Variants in OPCML observed in about 807,000 individuals in gnomAD.
The protein encoded by OPCML is opioid binding protein/cell adhesion molecule like.
In OPCML, 13 loss-of-function variants were observed where a neutral mutation model predicts 37.8. The observed-to-expected ratio is 0.34, with a 90% CI of 0.22 to 0.55. The LOEUF (loss-of-function observed/expected upper bound fraction) is 0.55, where lower values mean the gene tolerates loss of function less well. Among genes scored for constraint, OPCML ranks in the 20% least tolerant of loss-of-function variants. The pLI is 0.91. For missense variants in OPCML, 341 were observed against 435.6 expected, an observed-to-expected ratio of 0.78 and a Z score of 1.93; for synonymous variants, 176 against 168.8, an observed-to-expected ratio of 1.04 and a Z score of -0.33.
chr11:132,903,852 C>T (rs1344259351), intron 2 of OPCML, among the ~76,000 whole-genome samples: 2 of 152,120 alleles, frequency 1.3e-5, no homozygotes, highest in African/African-American at 2.4e-5. Flanking sequence ...TGAGTGTTTG[C>T]ATGTGCACGT....
At chr11:132,758,255 T>C (rs1946131179) in intron 2 of OPCML, among the ~76,000 whole-genome samples, 1 of 152,236 alleles carries the variant, frequency 6.6e-6, no homozygotes, top group Non-Finnish European at 1.5e-5. Flanking sequence ...CCAACTTTGT[T>C]CTTTTTGCTT....
At chr11:133,517,546 G>A (rs1329818917) in intron 1 of OPCML, among the ~76,000 whole-genome samples, 1 of 152,238 alleles carries the variant, frequency 6.6e-6, no homozygotes, top group East Asian at 1.9e-4. Flanking sequence ...TACCGCTAGG[G>A]CGGTGGGGGT....
chr11:132,997,237 A>G (rs550368403), intron 1 of OPCML, among the ~76,000 whole-genome samples: 3 of 152,290 alleles, frequency 2.0e-5, no homozygotes, highest in East Asian at 3.9e-4. Flanking sequence ...TCTTGCTCCC[A>G]AGGCTCTGGA....
intron 2 of OPCML, among the ~76,000 whole-genome samples, chr11:132,751,011 G>A (rs1461538955): frequency 1.3e-5 from 2 of 152,116 alleles, no homozygotes; most frequent in African/African-American, 2.4e-5. Context: ...GTTGTTCGGA[G>A]GATAGAAGAT....
At chr11:132,800,454 G>A (rs1331271470) in intron 2 of OPCML, among the ~76,000 whole-genome samples, 5 of 152,124 alleles carry the variant, frequency 3.3e-5, no homozygotes, top group African/African-American at 7.2e-5. Context: ...CTTGTTGAAT[G>A]GAGGTGGTGA....
intron 1 of OPCML, among the ~76,000 whole-genome samples, chr11:133,152,012 T>A (rs1949994242): frequency 6.6e-6 from 1 of 152,220 alleles, no homozygotes; most frequent in African/African-American, 2.4e-5. Context: ...TCTTTTTTGT[T>A]CACAGTTGTT....
chr11:132,971,034 C>G (rs1328731313), intron 1 of OPCML, among the ~76,000 whole-genome samples: 1 of 152,154 alleles, frequency 6.6e-6, no homozygotes, highest in Non-Finnish European at 1.5e-5. Context: ...CTCTCTCAAT[C>G]CCTTATAGCA....
At chr11:133,363,194 C>T (rs1015878252) in intron 1 of OPCML, among the ~76,000 whole-genome samples, 2 of 152,158 alleles carry the variant, frequency 1.3e-5, no homozygotes, top group African/African-American at 4.8e-5. Context: ...TACTGGAAAC[C>T]CCATCATGTC....
intron 1 of OPCML, among the ~76,000 whole-genome samples, chr11:133,312,418 T>G (rs896330264): frequency 1.3e-5 from 2 of 152,222 alleles, no homozygotes; most frequent in Non-Finnish European, 2.9e-5. Context: ...CCAGCCTGTG[T>G]GTACTCAGCA....
intron 1 of OPCML, among the ~76,000 whole-genome samples, chr11:133,524,307 G>A (rs938952343): frequency 6.6e-6 from 1 of 152,158 alleles, no homozygotes; most frequent in Admixed American, 6.5e-5. Context: ...TTTATATCCT[G>A]TGATTTGCTA....
chr11:132,663,941 T>G (rs1206089396), intron 2 of OPCML, among the ~76,000 whole-genome samples: 2 of 152,174 alleles, frequency 1.3e-5, no homozygotes, highest in Non-Finnish European at 1.5e-5. Context: ...CACGCCATTC[T>G]CCCGCCTCAG....
At chr11:133,127,199 C>T (rs1305277665) in intron 1 of OPCML, among the ~76,000 whole-genome samples, 1 of 152,120 alleles carries the variant, frequency 6.6e-6, no homozygotes, top group East Asian at 1.9e-4. Context: ...TTCTAGATCC[C>T]TGGTAATTTA....
At chr11:133,520,241 G>T (rs558557094) in intron 1 of OPCML, among the ~76,000 whole-genome samples, 1 of 152,088 alleles carries the variant, frequency 6.6e-6, no homozygotes, top group Non-Finnish European at 1.5e-5. Flanking sequence ...TGCAGTGTGC[G>T]TGGGAGGTTC....
chr11:132,539,810 G>A (rs1207519580), intron 3 of OPCML, among the ~76,000 whole-genome samples: 1 of 152,018 alleles, frequency 6.6e-6, no homozygotes, highest in African/African-American at 2.4e-5. Context: ...TGATGATGGT[G>A]ATAGATGCTG....
intron 7 of OPCML, among the ~76,000 whole-genome samples, chr11:132,424,497 G>A (rs1473890907): frequency 2.6e-5 from 4 of 152,134 alleles, no homozygotes; most frequent in Non-Finnish European, 5.9e-5. Flanking sequence ...CCACGGGTTT[G>A]GAAGAAAGGC....
intron 1 of OPCML, among the ~76,000 whole-genome samples, chr11:133,230,125 A>C (rs919917644): frequency 3.9e-5 from 6 of 152,234 alleles, no homozygotes; most frequent in Non-Finnish European, 8.8e-5. Context: ...CCGTGGTCTT[A>C]GAGTTTAGTT....
chr11:133,044,779 G>A (rs918052674), intron 1 of OPCML, among the ~76,000 whole-genome samples: 11 of 152,282 alleles, frequency 7.2e-5, no homozygotes, highest in Admixed American at 6.5e-5. Context: ...CTGTGCTCTT[G>A]GAAGTCCGTT....
At chr11:132,829,240 T>C (rs1940543384) in intron 2 of OPCML, among the ~76,000 whole-genome samples, 1 of 152,168 alleles carries the variant, frequency 6.6e-6, no homozygotes, top group Non-Finnish European at 1.5e-5. Flanking sequence ...CTGTGCTAAC[T>C]CAAACGGAAA....
Position 133,041,630 on chromosome 11 carries a change from C to T in OPCML, c.62-98620G>A, listed in dbSNP as rs540503802. On this transcript the variant is annotated intron_variant, in intron 1 of 7. Coordinates refer to ENST00000524381, the MANE Select transcript of OPCML (RefSeq NM_001012393.5). Reference sequence around the variant, plus strand: ...GCTCTTAACTCTAAGATGACTTTTTCGTGTTTTTCAAAGGAAACATCCTAT... The same window carrying T: ...GCTCTTAACTCTAAGATGACTTTTTTGTGTTTTTCAAAGGAAACATCCTAT... Among the ~76,000 whole-genome samples the T allele has an allele frequency of 6.6e-5, 10 of 152,222 alleles. No homozygotes were observed. The South Asian group carries it at 8.3e-4, about 13-fold the overall frequency.
Sources: gnomAD v4.1 joint callset for allele counts (sites outside exome capture counted in the v4.1 genomes callset) on GRCh38, gnomAD v4.1.1 for gene constraint, MANE v1.5 for transcripts, NCBI Gene and HGNC (gene_info 2026-07-23, HGNC 2026-07-21) for gene names.